The following KRT8 variants were observed in gnomAD, a reference collection of about 807,000 sequenced individuals.
The protein encoded by KRT8 is keratin, type II cytoskeletal 8.
In KRT8, 24 loss-of-function variants were observed where a neutral mutation model predicts 43.0. The observed-to-expected ratio is 0.56, with a 90% CI of 0.40 to 0.78. The LOEUF (loss-of-function observed/expected upper bound fraction) is 0.78. Ranked by LOEUF, KRT8 falls within the 30% of genes least tolerant of loss-of-function variation. The pLI is 0.00. For missense variants in KRT8, 492 were observed against 638.4 expected, an observed-to-expected ratio of 0.77 and a Z score of 2.47; for synonymous variants, 214 against 261.2, an observed-to-expected ratio of 0.82 and a Z score of 1.74.
intron 2 of KRT8, among the ~76,000 whole-genome samples, chr12:52,918,544 C>T (rs1941824364): frequency 6.6e-6 from 1 of 152,224 alleles, no homozygotes; most frequent in Admixed American, 6.5e-5. Context: ...TGTTCTGCTG[C>T]CCCAAAGCCA....
intron 2 of KRT8, among the ~76,000 whole-genome samples, chr12:52,932,673 G>A (rs1942103928): frequency 6.6e-6 from 1 of 152,040 alleles, no homozygotes; most frequent in African/African-American, 2.4e-5. Context: ...TGGGCAGTAT[G>A]CACACCTGTA....
intron 2 of KRT8, among the ~76,000 whole-genome samples, chr12:52,927,814 C>T (rs1942019230): frequency 6.6e-6 from 1 of 152,292 alleles, no homozygotes; most frequent in East Asian, 1.9e-4. Flanking sequence ...CGCGATGGCT[C>T]ACTCCCGTAA....
chr12:52,927,683 T>A (rs1314399589), intron 2 of KRT8, among the ~76,000 whole-genome samples: 1 of 152,176 alleles, frequency 6.6e-6, no homozygotes, highest in African/African-American at 2.4e-5. Flanking sequence ...TGGGCAGTCC[T>A]GAGGGGGAAG....
intron 2 of KRT8, among the ~76,000 whole-genome samples, chr12:52,921,742 G>A (rs1296480265): frequency 6.6e-6 from 1 of 152,088 alleles, no homozygotes; most frequent in Non-Finnish European, 1.5e-5. Flanking sequence ...CCAGAGCTGG[G>A]CATGGGTTCA....
At chr12:52,927,983 G>A (rs1451958274) in intron 2 of KRT8, among the ~76,000 whole-genome samples, 3 of 152,182 alleles carry the variant, frequency 2.0e-5, no homozygotes, top group Non-Finnish European at 2.9e-5. Flanking sequence ...CTTGAGAGGC[G>A]GGAGGCGCAG....
intron 2 of KRT8, among the ~76,000 whole-genome samples, chr12:52,943,418 T>G (rs147536844): frequency 1.3e-5 from 2 of 152,228 alleles, no homozygotes; most frequent in Admixed American, 6.5e-5. Context: ...TCCTCTCTCC[T>G]GGTCTCTTCC....
chr12:52,943,267 C>G (rs1942294688), intron 2 of KRT8, among the ~76,000 whole-genome samples: 1 of 152,174 alleles, frequency 6.6e-6, no homozygotes, highest in South Asian at 2.1e-4. Context: ...CTCTCTCCTC[C>G]CTCTCAGTCC....
chr12:52,897,601 A>G, exon 8 of KRT8: 1 of 1,598,170 alleles, frequency 6.3e-7, no homozygotes, highest in Non-Finnish European at 8.5e-7. Flanking sequence ...AGGCCCCCAT[A>G]GGCCGAGCTC....
intron 2 of KRT8, among the ~76,000 whole-genome samples, chr12:52,919,555 A>C (rs1014985532): frequency 1.3e-5 from 2 of 152,162 alleles, no homozygotes; most frequent in African/African-American, 4.8e-5. Flanking sequence ...GGTGTGAGCC[A>C]CCATGCCCAG....
intron 2 of KRT8, among the ~76,000 whole-genome samples, chr12:52,937,400 A>G (rs1942185359): frequency 6.8e-6 from 1 of 147,850 alleles, no homozygotes; most frequent in Non-Finnish European, 1.5e-5. Context: ...AGAGAGATAC[A>G]GATGGGGCAG....
Position 52,916,991 on chromosome 12 carries a change from G to T in KRT8, c.-46-11964C>A, listed in dbSNP as rs976310777. Among the ~76,000 whole-genome samples the T allele has an allele frequency of 1.4e-4, 22 of 152,252 alleles. 1 individual carries two copies. Among genetic ancestry groups the T allele is most frequent in the African/African-American group, 5.3e-4 (22 of 41,524 alleles). On this transcript the variant is annotated intron_variant, in intron 2 of 6. Coordinates refer to the KRT8 transcript ENST00000546826. ...CCTGGAGGAATAGGGGACATTCATC[G>T]GTGTGACCCAAGGGATATAACCAGC...
In KRT8 at chr12:52,898,068, G is replaced by A. The variant is rs4072035; in HGVS notation, c.1261+393C>T. Among the ~76,000 whole-genome samples, 1,092 of 152,292 alleles carry A rather than the reference G, an allele frequency of 7.2e-3. 6 individuals are homozygous for A. The highest frequency in any genetic ancestry group is 0.011 in the Non-Finnish European group (776 of 68,018). ...AGTCCCAGCTACTTGGGAGGCCTGA[G>A]GCAGGAGAATCTCTTGAACCCAGGA... On this transcript the variant is annotated intron_variant, in intron 7 of 7. Transcript: ENST00000692008.
In KRT8 at chr12:52,897,477, G is replaced by T. The variant is rs1168210058; in HGVS notation, c.1403C>A (p.Thr468Lys). ...CTCAGACACCAGCTTCCCATCACGT[G>T]TCTCGATCTTCTTCACAACCACGGC... is the stretch of plus-strand genomic sequence containing the variant. The change falls in exon 8 of 8, where the codon ACA becomes AAA. Residue 468 changes from threonine to lysine, a missense_variant. Coordinates refer to ENST00000692008, the Ensembl canonical transcript of KRT8. 6.9e-6 allele frequency: 11 copies of T among 1,599,304 alleles called. No individual in the cohort carries two copies. Among genetic ancestry groups the T allele is most frequent in the Non-Finnish European group, 9.3e-6 (11 of 1,179,942 alleles).
intron 2 of KRT8, among the ~76,000 whole-genome samples, chr12:52,944,588 G>T (rs1942315361): frequency 6.6e-6 from 1 of 152,204 alleles, no homozygotes; most frequent in Non-Finnish European, 1.5e-5. Flanking sequence ...GGTGGGGCTG[G>T]GCCAGGGAGC....
In KRT8 at chr12:52,914,689, C is replaced by G. The variant is rs143177665; in HGVS notation, c.-46-9662G>C. Among the ~76,000 whole-genome samples, 445 of 152,344 alleles carry G rather than the reference C, an allele frequency of 2.9e-3. 1 individual carries two copies. Among genetic ancestry groups the G allele is most frequent in the Non-Finnish European group, 5.3e-3 (363 of 68,030 alleles). On this transcript the variant is annotated intron_variant, in intron 2 of 6. Coordinates refer to the KRT8 transcript ENST00000546826. ...GTGGCTGAAACCCAACTCAAACAGA[C>G]TTAAGCATAAAAAGATCATTTCTTA...
rs1286312924 is a variant in KRT8, at chr12:52,926,314, C to A, written c.-46-21287G>T. 1.5e-5 allele frequency: 16 copies of A among 1,045,716 alleles called. No homozygotes were observed. The East Asian group carries it at 3.9e-4, about 26-fold the overall frequency. 64.8% of individuals were successfully genotyped at this position (1,045,716 alleles called of 1,614,324 possible). Reference sequence around the variant, plus strand: ...CATCTGGTGGCTGAGGCTTAGCCTTCCCCACCTGGCACTAGCTGCCCTCCC... The same window carrying A: ...CATCTGGTGGCTGAGGCTTAGCCTTACCCACCTGGCACTAGCTGCCCTCCC... On this transcript the variant is annotated intron_variant, in intron 2 of 6. Transcript: ENST00000546826.
chr12:52,948,494 CTTTTTTTTTTTT>C (rs375720808), intron 2 of KRT8: 9 of 110,986 alleles, frequency 8.1e-5, no homozygotes, highest in Non-Finnish European at 1.2e-4. Flanking sequence ...TTTCTTTTTT[CTTTTTTTTTTTT>C]TTTTTTTTTG....
upstream of KRT8, among the ~76,000 whole-genome samples, chr12:52,905,370 A>G (rs902559061): frequency 6.6e-6 from 1 of 152,178 alleles, no homozygotes; most frequent in Non-Finnish European, 1.5e-5. Context: ...CCGCCCAGCC[A>G]CTACAACCCT....
chr12:52,910,932 C>T (rs1047815391), upstream of KRT8, among the ~76,000 whole-genome samples: 82 of 152,166 alleles, frequency 5.4e-4, 1 homozygote, highest in Admixed American at 5.2e-3. Flanking sequence ...CATTTATCCA[C>T]ATATTTGCTT....
Sources: allele counts gnomAD v4.1 joint callset (sites outside exome capture counted in the v4.1 genomes callset), GRCh38; gene constraint gnomAD v4.1.1; transcripts MANE v1.5; gene names NCBI Gene and HGNC (gene_info 2026-07-23, HGNC 2026-07-21).